GRM3: variants seen among roughly 807,000 people sequenced by gnomAD.
The protein encoded by GRM3 is glutamate metabotropic receptor 3, also known as metabotropic glutamate receptor 3.
A neutral mutation model predicts 70.5 loss-of-function variants in GRM3; 26 were observed. That is an observed-to-expected ratio of 0.37 (90% confidence interval 0.27 to 0.51). GRM3 has a LOEUF of 0.51. Ranked by LOEUF, GRM3 falls within the 20% of genes least tolerant of loss-of-function variation. GRM3 has a pLI of 0.93. For missense variants in GRM3, 859 were observed against 1,123.8 expected (o/e 0.76, Z 3.37); for synonymous variants, 443 against 434.9 (o/e 1.02, Z -0.23).
intron 3 of GRM3, among the ~76,000 whole-genome samples, chr7:86,827,338 AAATTAAG>A (rs2116703064): frequency 6.6e-6 from 1 of 152,330 alleles, no homozygotes; most frequent in Admixed American, 6.5e-5. Context: ...ATTGGCATTA[AAATTAAG>A]AATTTAGGGG....
At chr7:86,715,117 C>T (rs746543252) in intron 1 of GRM3, among the ~76,000 whole-genome samples, 11 of 152,092 alleles carry the variant, frequency 7.2e-5, no homozygotes, top group South Asian at 2.1e-4. Context: ...ATATCTCCAC[C>T]TTCTGGCAGG....
At chr7:86,646,927 C>T (rs948563169) in intron 1 of GRM3, among the ~76,000 whole-genome samples, 3 of 151,936 alleles carry the variant, frequency 2.0e-5, no homozygotes, top group Non-Finnish European at 2.9e-5. Context: ...AGTATAAATC[C>T]GATGATTTAA....
chr7:86,821,369 A>G (rs1246105451), intron 3 of GRM3, among the ~76,000 whole-genome samples: 2 of 152,180 alleles, frequency 1.3e-5, no homozygotes, highest in African/African-American at 4.8e-5. Flanking sequence ...TGGTGGAAAC[A>G]GAGTCACTCA....
intron 1 of GRM3, among the ~76,000 whole-genome samples, chr7:86,665,296 C>T (rs1793998428): frequency 6.6e-6 from 1 of 151,934 alleles, no homozygotes; most frequent in Non-Finnish European, 1.5e-5. Context: ...TAAATTTCTC[C>T]AGACTTCAAT....
intron 5 of GRM3, among the ~76,000 whole-genome samples, chr7:86,857,971 T>C (rs1798882890): frequency 6.9e-6 from 1 of 145,732 alleles, no homozygotes; most frequent in Non-Finnish European, 1.5e-5. Context: ...TTATTTTATT[T>C]TTTGAGACGG....
intron 1 of GRM3, among the ~76,000 whole-genome samples, chr7:86,704,560 T>G (rs966065558): frequency 6.6e-6 from 1 of 151,920 alleles, no homozygotes; most frequent in Non-Finnish European, 1.5e-5. Context: ...CATTTAGTAG[T>G]TTGCAATACA....
At chr7:86,805,220 A>G (rs2116636773) in intron 3 of GRM3, among the ~76,000 whole-genome samples, 1 of 152,338 alleles carries the variant, frequency 6.6e-6, no homozygotes, top group East Asian at 1.9e-4. Flanking sequence ...GAACCAGGGA[A>G]AATTTATGTG....
chr7:86,830,031 A>G (rs13230321), intron 3 of GRM3, among the ~76,000 whole-genome samples: 18,119 of 152,276 alleles, frequency 0.12, 1,257 homozygotes, highest in Middle Eastern at 0.17. Context: ...GGTAGCATGT[A>G]GAAAATGCTG....
chr7:86,797,068 A>G (rs1797567484), intron 3 of GRM3, among the ~76,000 whole-genome samples: 1 of 152,128 alleles, frequency 6.6e-6, no homozygotes, highest in Non-Finnish European at 1.5e-5. Context: ...TTTTCTTTAT[A>G]ATTACCCAGT....
At chr7:86,755,270 G>A (rs368953772) in intron 1 of GRM3, among the ~76,000 whole-genome samples, 2 of 152,044 alleles carry the variant, frequency 1.3e-5, no homozygotes, top group East Asian at 3.9e-4. Context: ...TTAGCTGATT[G>A]GGATTTTGCT....
At chr7:86,828,402 A>G (rs1429160235) in intron 3 of GRM3, among the ~76,000 whole-genome samples, 1 of 152,218 alleles carries the variant, frequency 6.6e-6, no homozygotes, top group African/African-American at 2.4e-5. Flanking sequence ...TTTTGCACAT[A>G]CACATATAGG....
At position 86,693,768 on chromosome 7, in the gene GRM3, A is replaced by T. The variant is rs190348243; in HGVS notation, c.-141+48896A>T. ...TGTTATAGAAACTCAATTCATTGCA[A>T]TGAGTATTTATTGAACACCTTCTCT... On this transcript the variant is annotated intron_variant, in intron 1 of 5. Coordinates refer to ENST00000361669, the MANE Select transcript of GRM3 (RefSeq NM_000840.3). 1.4e-3 allele frequency among the ~76,000 whole-genome samples: 218 copies of T among 152,326 alleles called. 2 individuals are homozygous for T. Among genetic ancestry groups the T allele is most frequent in the African/African-American group, 4.6e-3 (192 of 41,578 alleles).
In GRM3 at chr7:86,839,125, C is replaced by T. The variant is rs758174717; in HGVS notation, c.1611C>T (p.Tyr537=). ...GGATTTGCATCCCCTGTGAACCCTA[C>T]GAATACCTGGCTGATGAGTTTACCT... The part of the protein sequence containing the change: ...CCWICIPCEP[Y]EYLADEFTCM... The change falls in exon 4 of 6, where the codon TAC becomes TAT. Residue 537 remains tyrosine, a synonymous_variant. Transcript: ENST00000361669. This position sits in a 1 kb window ranked among gnomAD's most constrained non-coding sequence, Gnocchi z 4.5. The T allele has an allele frequency of 3.7e-5, 60 of 1,613,990 alleles. 4 individuals carry two copies. In the Middle Eastern group the frequency reaches 4.1e-3, roughly 111 times the overall value.
At chr7:86,742,650 T>TATA (rs1183001066) in intron 1 of GRM3, among the ~76,000 whole-genome samples, 1 of 152,080 alleles carries the variant, frequency 6.6e-6, no homozygotes, top group Non-Finnish European at 1.5e-5. Flanking sequence ...AGAGTTTAGA[T>TATA]ATATTTAGGT....
At chr7:86,830,079 C>T (rs1798320749) in intron 3 of GRM3, among the ~76,000 whole-genome samples, 1 of 152,130 alleles carries the variant, frequency 6.6e-6, no homozygotes, top group Non-Finnish European at 1.5e-5. Flanking sequence ...ACTCACTATT[C>T]TCAGACATGC....
chr7:86,849,394 G>A lies in GRM3; in HGVS notation c.2392-976G>A, dbSNP rs541432307. On this transcript the variant is annotated intron_variant, in intron 4 of 5. Coordinates refer to ENST00000361669, the MANE Select transcript of GRM3 (RefSeq NM_000840.3). The stretch of plus-strand genomic sequence containing the variant: ...GCTTTCAGGATTCAAAGTAAGCAAG[G>A]CCTAAAGAATTATGCCACAGGGCAG... 1.4e-4 allele frequency among the ~76,000 whole-genome samples: 21 copies of A among 152,126 alleles called. No individual in the cohort carries two copies. The South Asian group carries it at 4.1e-3, about 30-fold the overall frequency.
Position 86,721,707 on chromosome 7 carries a change from T to G in GRM3, c.-140-43299T>G, listed in dbSNP as rs189804457. Among the ~76,000 whole-genome samples, 456 of 152,184 alleles carry G rather than the reference T, an allele frequency of 3.0e-3. 1 individual carries two copies. Among genetic ancestry groups the G allele is most frequent in the African/African-American group, 0.01 (432 of 41,534 alleles). On this transcript the variant is annotated intron_variant, in intron 1 of 5. Coordinates refer to ENST00000361669, the MANE Select transcript of GRM3 (RefSeq NM_000840.3). ...ACTAGACCTTTGTTTTAGTGTTATCTCCATAAGATCTCTATTAAAATGTAT... is the reference window on the plus strand; with the variant it reads ...ACTAGACCTTTGTTTTAGTGTTATCGCCATAAGATCTCTATTAAAATGTAT...
intron 1 of GRM3, among the ~76,000 whole-genome samples, chr7:86,730,977 G>A (rs1208203699): frequency 1.3e-5 from 2 of 152,026 alleles, no homozygotes; most frequent in Admixed American, 6.6e-5. Context: ...CTGTCTCCTA[G>A]CCCGGCTGTG....
At chr7:86,702,327 A>G (rs369503944) in intron 1 of GRM3, among the ~76,000 whole-genome samples, 9 of 152,028 alleles carry the variant, frequency 5.9e-5, no homozygotes, top group South Asian at 2.1e-4. Context: ...TTAGTCCTGC[A>G]TCTCTTCATC....
Sources: allele counts gnomAD v4.1 joint callset (sites outside exome capture counted in the v4.1 genomes callset), GRCh38; gene constraint gnomAD v4.1.1; non-coding constraint Gnocchi (gnomAD v3.1); transcripts MANE v1.5; gene names NCBI Gene and HGNC (gene_info 2026-07-23, HGNC 2026-07-21).